Variants in XKR4 observed in about 807,000 individuals in gnomAD.
XKR4 encodes XK related 4.
In XKR4, 12 loss-of-function variants were observed where a neutral mutation model predicts 53.9. The observed-to-expected ratio is 0.22, with a 90% confidence interval of 0.14 to 0.36. The LOEUF is 0.36. Ranked by LOEUF, XKR4 falls within the 10% of genes least tolerant of loss-of-function variation. The pLI is 1.00. For missense variants in XKR4, 799 were observed against 859.5 expected (o/e 0.93, Z 0.88); for synonymous variants, 354 against 362.4 (o/e 0.98, Z 0.26).
At chr8:55,463,380 G>A (rs1475319788) in intron 2 of XKR4, among the ~76,000 whole-genome samples, 1 of 151,298 alleles carries the variant, frequency 6.6e-6, no homozygotes, top group African/African-American at 2.4e-5. Context: ...TGACTACGGG[G>A]TACATAACGA....
intron 1 of XKR4, among the ~76,000 whole-genome samples, chr8:55,235,872 C>T (rs1292551391): frequency 6.6e-6 from 1 of 152,196 alleles, no homozygotes; most frequent in African/African-American, 2.4e-5. Context: ...AGATAACCAA[C>T]TCACTTTAAT....
At chr8:55,295,893 T>C (rs1002307004) in intron 1 of XKR4, among the ~76,000 whole-genome samples, 17 of 152,272 alleles carry the variant, frequency 1.1e-4, no homozygotes, top group African/African-American at 4.1e-4. Flanking sequence ...ATTTTTATTA[T>C]TTTGTACTCC....
At chr8:55,326,663 G>A (rs1293356048) in intron 1 of XKR4, among the ~76,000 whole-genome samples, 2 of 151,186 alleles carry the variant, frequency 1.3e-5, no homozygotes, top group Non-Finnish European at 2.9e-5. Context: ...TGGAGATGAG[G>A]CTTCACCATG....
Position 55,542,022 on chromosome 8 carries a change from C to T in XKR4, c.*17795C>T, listed in dbSNP as rs550979928. ...TGGTTACATGGTTTTTCTTGTAAAACTTAAAGAAAAAAAAAGAAAACTTGA... is the reference window on the plus strand; with the variant it reads ...TGGTTACATGGTTTTTCTTGTAAAATTTAAAGAAAAAAAAAGAAAACTTGA... On this transcript the variant is annotated 3_prime_UTR_variant, in exon 3 of 3. Transcript: ENST00000327381. 26 of 148,314 alleles carry T rather than the reference C, an allele frequency of 1.8e-4. No individual in the cohort carries two copies. Among genetic ancestry groups the T allele is most frequent in the Non-Finnish European group, 3.3e-4 (22 of 67,166 alleles). The allele number at this position is 148,314 out of a possible 1,614,324, so 9.2% of individuals were successfully genotyped here.
At chr8:55,172,390 A>G (rs1408856842) in intron 1 of XKR4, among the ~76,000 whole-genome samples, 2 of 151,916 alleles carry the variant, frequency 1.3e-5, no homozygotes, top group African/African-American at 4.8e-5. Context: ...TTTTGCACCT[A>G]CTCTTGCCCC....
intron 2 of XKR4, among the ~76,000 whole-genome samples, chr8:55,457,035 A>G (rs1342659495): frequency 6.6e-6 from 1 of 151,798 alleles, no homozygotes; most frequent in Non-Finnish European, 1.5e-5. Flanking sequence ...GAAAAAAATG[A>G]CTCATCAGAT....
intron 2 of XKR4, among the ~76,000 whole-genome samples, chr8:55,477,233 A>G (rs1806007032): frequency 1.3e-5 from 2 of 152,138 alleles, no homozygotes. Flanking sequence ...CAGTTCACCA[A>G]GATCCGCTGT....
At position 55,103,286 on chromosome 8, in the gene XKR4, A is replaced by C; in HGVS notation, c.798A>C (p.Gln266His). The change falls in exon 1 of 3, where the codon CAA becomes CAC. Residue 266 changes from glutamine (Q) to histidine (H), a missense_variant. Around this residue, in one of 3 missense-constraint regions of XKR4, gnomAD observed 476 missense variants for 505.4 expected, o/e 0.94. Coordinates refer to ENST00000327381, the MANE Select transcript of XKR4 (RefSeq NM_052898.2). ...TCATCCACATCTTGCAGCTCGGGCA[A>C]ATCTGGAGGTACTGTAATGGGTGGG... ...QSLIHILQLG[Q>H]IWRYFHTIYL... 1 of 1,606,196 alleles carries C rather than the reference A, an allele frequency of 6.2e-7. No individual in the cohort carries two copies. Among genetic ancestry groups the C allele is most frequent in the Non-Finnish European group, 8.5e-7 (1 of 1,174,780 alleles).
At chr8:55,409,687 A>G (rs1306436233) in intron 2 of XKR4, among the ~76,000 whole-genome samples, 2 of 152,210 alleles carry the variant, frequency 1.3e-5, no homozygotes, top group Non-Finnish European at 2.9e-5. Context: ...GGCATGCTAA[A>G]GTTTAAACTA....
intron 1 of XKR4, among the ~76,000 whole-genome samples, chr8:55,337,479 G>C (rs1803478854): frequency 1.3e-5 from 2 of 152,288 alleles, no homozygotes; most frequent in South Asian, 2.1e-4. Flanking sequence ...TGTAATGAAG[G>C]CTGCTCAGAA....
chr8:55,328,887 C>T (rs1313471398), intron 1 of XKR4, among the ~76,000 whole-genome samples: 1 of 152,128 alleles, frequency 6.6e-6, no homozygotes, highest in East Asian at 1.9e-4. Flanking sequence ...CCACCAACAC[C>T]CACCATGTTT....
At chr8:55,448,450 T>C (rs1465557258) in intron 2 of XKR4, among the ~76,000 whole-genome samples, 1 of 152,244 alleles carries the variant, frequency 6.6e-6, no homozygotes, top group Non-Finnish European at 1.5e-5. Context: ...GGCAAACCCA[T>C]GCTACTGGAT....
chr8:55,332,933 T>C (rs181601336), intron 1 of XKR4, among the ~76,000 whole-genome samples: 73 of 151,942 alleles, frequency 4.8e-4, no homozygotes, highest in Middle Eastern at 3.4e-3. Flanking sequence ...TTTTTTTTTT[T>C]CCTCAGACTT....
At chr8:55,452,302 T>C (rs963945988) in intron 2 of XKR4, 9 of 644,124 alleles carry the variant, frequency 1.4e-5, no homozygotes, top group Non-Finnish European at 2.3e-5. Flanking sequence ...TTCTCCTTGG[T>C]CAGCGCGGCC....
chr8:55,136,100 G>A (rs1268122866), intron 1 of XKR4, among the ~76,000 whole-genome samples: 1 of 152,040 alleles, frequency 6.6e-6, no homozygotes. Flanking sequence ...CACCATGTTG[G>A]CCAGGCTGGC....
intron 1 of XKR4, among the ~76,000 whole-genome samples, chr8:55,198,273 G>A (rs972538804): frequency 3.3e-5 from 5 of 152,154 alleles, no homozygotes; most frequent in African/African-American, 7.2e-5. Flanking sequence ...TTGTGACAAT[G>A]ACATCTACTC....
chr8:55,496,161 A>G (rs572918256), intron 2 of XKR4, among the ~76,000 whole-genome samples: 38 of 152,324 alleles, frequency 2.5e-4, no homozygotes, highest in Non-Finnish European at 4.3e-4. Context: ...GAGGGCAATA[A>G]GTACTCGCAT....
rs1014294658 is a variant in XKR4 at position 55,466,070 on chromosome 8, T to A, written c.1007-57211T>A. ...TAAACTAGTTCAACCATTGTGGAAG[T>A]CAGTGTGGCGATTCCTCAGGGATCT... is the stretch of plus-strand genomic sequence containing the variant. On this transcript the variant is annotated intron_variant, in intron 2 of 2. Transcript: ENST00000327381. Among the ~76,000 whole-genome samples the A allele has an allele frequency of 1.1e-3, 160 of 152,176 alleles. 1 individual carries two copies. Among genetic ancestry groups the A allele is most frequent in the African/African-American group, 2.9e-3 (119 of 41,488 alleles).
intron 2 of XKR4, among the ~76,000 whole-genome samples, chr8:55,431,990 T>A (rs1422534425): frequency 6.6e-6 from 1 of 152,190 alleles, no homozygotes; most frequent in Non-Finnish European, 1.5e-5. Flanking sequence ...TCTTTCTTCA[T>A]GGACTGGAAA....
Sources: gnomAD v4.1 joint callset for allele counts (sites outside exome capture counted in the v4.1 genomes callset) on GRCh38, gnomAD v4.1.1 for gene constraint, gnomAD v4.1.1 regional missense constraint, MANE v1.5 for transcripts, NCBI Gene and HGNC (gene_info 2026-07-23, HGNC 2026-07-21) for gene names.